LDLRAD3: variants seen among roughly 807,000 people sequenced by gnomAD.
LDLRAD3 encodes low density lipoprotein receptor class A domain containing 3.
In LDLRAD3, 20 loss-of-function variants were observed where a neutral mutation model predicts 29.4. That is an observed-to-expected ratio of 0.68 (90% confidence interval 0.48 to 0.99). LDLRAD3 has a LOEUF of 0.99. LDLRAD3 is among the 50% of genes least tolerant of loss of function. The probability of loss-of-function intolerance (pLI) is 0.00; values close to 1 mark genes in which losing one functional copy is unlikely to be tolerated. For missense variants in LDLRAD3, 420 were observed against 454.3 expected (o/e 0.92, Z 0.69); for synonymous variants, 157 against 192.7 (o/e 0.81, Z 1.53).
At chr11:36,022,737 T>C (rs1852113316) in intron 1 of LDLRAD3, among the ~76,000 whole-genome samples, 1 of 152,196 alleles carries the variant, frequency 6.6e-6, no homozygotes, top group African/African-American at 2.4e-5. Flanking sequence ...TTGCTTCGTT[T>C]TCTGGAAGGT....
intron 4 of LDLRAD3, among the ~76,000 whole-genome samples, chr11:36,175,122 C>T (rs1397261473): frequency 6.6e-6 from 1 of 152,214 alleles, no homozygotes; most frequent in Admixed American, 6.5e-5. Context: ...TTGTGGAAGA[C>T]AGTGTGGCAA....
intron 2 of LDLRAD3, among the ~76,000 whole-genome samples, chr11:36,037,616 C>T (rs938989026): frequency 1.3e-5 from 2 of 152,136 alleles, no homozygotes; most frequent in Non-Finnish European, 2.9e-5. Context: ...CCCAGTCAGT[C>T]ATTTGAATTT....
chr11:36,054,986 G>GATGA (rs1852594589), intron 2 of LDLRAD3, among the ~76,000 whole-genome samples: 2 of 113,630 alleles, frequency 1.8e-5, no homozygotes, highest in African/African-American at 4.0e-5. Context: ...TGGATGGATG[G>GATGA]ATGGATGGAT....
At chr11:36,180,852 C>A (rs1350648565) in intron 4 of LDLRAD3, among the ~76,000 whole-genome samples, 1 of 152,062 alleles carries the variant, frequency 6.6e-6, no homozygotes, top group Non-Finnish European at 1.5e-5. Flanking sequence ...AAAGTAGAGA[C>A]CATTGGAATT....
At chr11:36,069,469 A>G (rs1852857276) in intron 2 of LDLRAD3, among the ~76,000 whole-genome samples, 1 of 152,176 alleles carries the variant, frequency 6.6e-6, no homozygotes. Context: ...CAATGGCCAC[A>G]TGTCGGTTTT....
intron 1 of LDLRAD3, among the ~76,000 whole-genome samples, chr11:36,012,198 C>T (rs1431401067): frequency 6.6e-6 from 1 of 152,134 alleles, no homozygotes; most frequent in Non-Finnish European, 1.5e-5. Flanking sequence ...TCAACTGAAA[C>T]CTATTTCTGT....
intron 4 of LDLRAD3, among the ~76,000 whole-genome samples, chr11:36,219,363 G>C (rs1211949381): frequency 6.6e-6 from 1 of 152,116 alleles, no homozygotes; most frequent in Non-Finnish European, 1.5e-5. Flanking sequence ...CATTTTGGAA[G>C]GGGGAAAAAG....
At chr11:36,001,115 A>G (rs1851818514) in intron 1 of LDLRAD3, 1 of 152,218 alleles carries the variant, frequency 6.6e-6, no homozygotes, top group African/African-American at 2.4e-5. Context: ...GATGACAGCC[A>G]GAAAGAGAGC....
chr11:35,956,649 CT>C (rs1305682425), intron 1 of LDLRAD3, among the ~76,000 whole-genome samples: 1 of 152,192 alleles, frequency 6.6e-6, no homozygotes, highest in Non-Finnish European at 1.5e-5. Context: ...ACATCTTCGT[CT>C]GTTAATAGGT....
At chr11:36,156,511 G>T (rs1565265584) in intron 4 of LDLRAD3, among the ~76,000 whole-genome samples, 1 of 152,174 alleles carries the variant, frequency 6.6e-6, no homozygotes, top group South Asian at 2.1e-4. Flanking sequence ...CTGTCTCACT[G>T]CAGTAAACAG....
intron 2 of LDLRAD3, among the ~76,000 whole-genome samples, chr11:36,076,954 T>C (rs1590247477): frequency 6.6e-6 from 1 of 152,222 alleles, no homozygotes; most frequent in African/African-American, 2.4e-5. Context: ...TGTTATTTAC[T>C]AGTAATACAG....
At chr11:36,148,346 G>A (rs1182413263) in intron 4 of LDLRAD3, among the ~76,000 whole-genome samples, 2 of 152,108 alleles carry the variant, frequency 1.3e-5, no homozygotes, top group East Asian at 1.9e-4. Flanking sequence ...AGACATCTGC[G>A]AGTGCTCAGA....
At chr11:36,190,691 A>AG (rs1375559466) in intron 4 of LDLRAD3, among the ~76,000 whole-genome samples, 6 of 152,186 alleles carry the variant, frequency 3.9e-5, no homozygotes, top group Non-Finnish European at 7.3e-5. Flanking sequence ...CCTGAACCAA[A>AG]GAACAGTGGT....
chr11:35,960,756 C>A (rs890054180), intron 1 of LDLRAD3, among the ~76,000 whole-genome samples: 6 of 152,190 alleles, frequency 3.9e-5, no homozygotes, highest in African/African-American at 1.4e-4. Flanking sequence ...GTTCCCACAT[C>A]TGGCTAATTT....
At chr11:35,957,449 A>G (rs531672707) in intron 1 of LDLRAD3, among the ~76,000 whole-genome samples, 4 of 152,292 alleles carry the variant, frequency 2.6e-5, no homozygotes, top group South Asian at 4.1e-4. Context: ...CTGCTTTTAC[A>G]TGATGGTCAT....
At chr11:36,083,422 C>T (rs1168977615) in intron 3 of LDLRAD3, among the ~76,000 whole-genome samples, 1 of 151,994 alleles carries the variant, frequency 6.6e-6, no homozygotes, top group Non-Finnish European at 1.5e-5. Context: ...AGCAAAACTG[C>T]CCATATCCCG....
In LDLRAD3 at chr11:36,081,725, T is replaced by G; in HGVS notation, c.266T>G (p.Phe89Cys). The G allele has an allele frequency of 6.2e-7, 1 of 1,614,214 alleles. No homozygotes were observed. The highest frequency in any genetic ancestry group is 8.5e-7 in the Non-Finnish European group (1 of 1,180,020). ...ASGIHCIIGR[F>C]RCNGFEDCPD... ...GGCATCCATTGCATCATTGGTCGCT[T>G]CCGGTGCAATGGGTTTGAGGACTGT... Residue 89 changes from phenylalanine (F) to cysteine (C), a missense_variant, in exon 3 of 6, where the codon TTC (phenylalanine) becomes TGC (cysteine). Phe to Cys is a radical substitution (Grantham distance 205, BLOSUM62 -2). Around this residue, in one of 3 missense-constraint regions of LDLRAD3, gnomAD observed 224 missense variants for 222.2 expected, o/e 1.01. Coordinates refer to ENST00000315571, the MANE Select transcript of LDLRAD3 (RefSeq NM_174902.4).
At chr11:36,185,739 AC>A (rs1938953334) in intron 4 of LDLRAD3, among the ~76,000 whole-genome samples, 1 of 152,180 alleles carries the variant, frequency 6.6e-6, no homozygotes, top group Admixed American at 6.5e-5. Context: ...TCTGAAAGTC[AC>A]CCTTGAAAAC....
intron 3 of LDLRAD3, among the ~76,000 whole-genome samples, chr11:36,094,927 T>A (rs1853337244): frequency 6.6e-6 from 1 of 152,244 alleles, no homozygotes; most frequent in Non-Finnish European, 1.5e-5. Flanking sequence ...GGCTCACACT[T>A]GTAATTACAA....
Sources: gnomAD v4.1 joint callset for allele counts (sites outside exome capture counted in the v4.1 genomes callset) on GRCh38, gnomAD v4.1.1 for gene constraint, gnomAD v4.1.1 regional missense constraint, MANE v1.5 for transcripts, NCBI Gene and HGNC (gene_info 2026-07-23, HGNC 2026-07-21) for gene names.